The following PCDHGA3 variants were observed in gnomAD, a reference collection of about 807,000 sequenced individuals.
PCDHGA3 encodes protocadherin gamma-A3.
Under a neutral mutation model 58.5 loss-of-function variants are expected in PCDHGA3, and 40 were observed. The ratio of observed to expected loss-of-function variants is 0.68; its 90% CI spans 0.53 to 0.89. The LOEUF (loss-of-function observed/expected upper bound fraction) is 0.89. Among genes scored for constraint, PCDHGA3 ranks in the 40% least tolerant of loss-of-function variants. The probability of loss-of-function intolerance (pLI) is 0.00; values close to 1 mark genes in which losing one functional copy is unlikely to be tolerated. For synonymous variants in PCDHGA3, 530 were observed against 525.7 expected (o/e 1.01, Z -0.11); for missense variants, 1,223 against 1,195.9 (o/e 1.02, Z -0.33).
chr5:141,410,201 A>G, intron 1 of PCDHGA3: 3 of 1,613,988 alleles, frequency 1.9e-6, no homozygotes, highest in Non-Finnish European at 2.5e-6. Context: ...CTTCGCAGAC[A>G]ACTTGCAAGA....
rs1410729947 is a variant in PCDHGA3 at position 141,493,256 on chromosome 5, T to TA, written c.2425-1550dup. 3.3e-5 allele frequency among the ~76,000 whole-genome samples: 5 copies of TA among 152,306 alleles called. No homozygotes were observed. The highest frequency in any genetic ancestry group is 1.2e-4 in the African/African-American group (5 of 41,570). ...TGGCTAGGTACTAACATGCCTCTCT[T>TA]ATAACAGCTTCACAGAGGTCAAGTG... On this transcript the variant is annotated intron_variant, in intron 1 of 3. Transcript: ENST00000253812. This position sits in a 1 kb window ranked among gnomAD's most constrained non-coding sequence, Gnocchi z 4.3.
At chr5:141,378,101 A>C (rs1018772587) in intron 1 of PCDHGA3, 21 of 152,208 alleles carry the variant, frequency 1.4e-4, no homozygotes, top group Admixed American at 1.0e-3. Flanking sequence ...TCAAACTCTA[A>C]AGCAGCATAG....
At chr5:141,449,537 C>A (rs1377909573) in intron 1 of PCDHGA3, among the ~76,000 whole-genome samples, 1 of 146,334 alleles carries the variant, frequency 6.8e-6, no homozygotes, top group Non-Finnish European at 1.5e-5. Flanking sequence ...TGCAGTGAGC[C>A]GAGATCGCAC....
chr5:141,372,797 CA>C (rs1769078994), intron 1 of PCDHGA3: 2 of 1,597,434 alleles, frequency 1.3e-6, no homozygotes, highest in Admixed American at 3.5e-5. Flanking sequence ...CTAATTCAGG[CA>C]ATTTGCAAAA....
chr5:141,351,477 T>G, intron 1 of PCDHGA3: 1 of 1,613,832 alleles, frequency 6.2e-7, no homozygotes. Flanking sequence ...GCTGGAGCCC[T>G]AAACCGGGAG....
chr5:141,365,014 C>T (rs1763677567), intron 1 of PCDHGA3: 1 of 1,613,924 alleles, frequency 6.2e-7, no homozygotes, highest in African/African-American at 1.3e-5. Flanking sequence ...CCACGCACAT[C>T]CGTGTTACGG....
chr5:141,361,816 C>G, intron 1 of PCDHGA3: 2 of 1,613,084 alleles, frequency 1.2e-6, no homozygotes, highest in Non-Finnish European at 1.7e-6. Context: ...CAATGCGCCA[C>G]GGGTGCTGTA....
intron 1 of PCDHGA3, chr5:141,367,582 A>G (rs1339166243): frequency 6.6e-6 from 1 of 150,954 alleles, no homozygotes; most frequent in Admixed American, 6.6e-5. Flanking sequence ...ATATCAGAAA[A>G]GTAGATAAAA....
chr5:141,465,520 G>C (rs2099104807), intron 1 of PCDHGA3, among the ~76,000 whole-genome samples: 1 of 152,144 alleles, frequency 6.6e-6, no homozygotes, highest in Non-Finnish European at 1.5e-5. Flanking sequence ...GAAGGATTCT[G>C]GGGAAGTTTT....
intron 1 of PCDHGA3, chr5:141,361,614 G>A (rs919763957): frequency 2.4e-5 from 39 of 1,613,828 alleles, no homozygotes; most frequent in Non-Finnish European, 3.0e-5. Flanking sequence ...CCATCGTAGC[G>A]AGCGACCTGA....
At chr5:141,370,847 A>G (rs372882282) in intron 1 of PCDHGA3, 2 of 1,614,046 alleles carry the variant, frequency 1.2e-6, no homozygotes, top group Non-Finnish European at 1.7e-6. Flanking sequence ...CTGGAGCCAC[A>G]TTTGCCCTGG....
At chr5:141,423,761 TG>T in intron 1 of PCDHGA3, 1 of 156,420 alleles carries the variant, frequency 6.4e-6, no homozygotes, top group Non-Finnish European at 9.2e-6. Context: ...GGGGGGGGGG[TG>T]GGGCGGCATA....
chr5:141,502,864 G>GGCTTTTTT (rs2099816401), intron 2 of PCDHGA3, among the ~76,000 whole-genome samples: 1 of 61,572 alleles, frequency 1.6e-5, no homozygotes, highest in Non-Finnish European at 3.0e-5. Flanking sequence ...CTGACTCTCT[G>GGCTTTTTT]TCTTTTTTTT....
intron 2 of PCDHGA3, among the ~76,000 whole-genome samples, chr5:141,504,788 TC>T (rs1235410120): frequency 6.6e-6 from 1 of 152,070 alleles, no homozygotes; most frequent in Non-Finnish European, 1.5e-5. Context: ...TCTTGGGGCC[TC>T]CTACATCTCC....
At chr5:141,362,475 C>T (rs377414044) in intron 1 of PCDHGA3, 12 of 1,613,908 alleles carry the variant, frequency 7.4e-6, no homozygotes, top group African/African-American at 1.3e-5. Flanking sequence ...CGCAAGATCT[C>T]GTCTGTGACA....
Position 141,345,473 on chromosome 5 carries a change from T to C in PCDHGA3, c.1440T>C (p.Asp480=). Residue 480 remains aspartate (D), a synonymous_variant, in exon 1 of 4, where the codon GAT becomes GAC. Coordinates refer to ENST00000253812, the MANE Select transcript of PCDHGA3 (RefSeq NM_018916.4). ...SIFSVTAQDP[D]SNNNARITYA... ...TCTCAGTGACAGCCCAGGACCCAGA[T>C]AGCAACAACAACGCCCGCATCACTT... is the stretch of plus-strand genomic sequence containing the variant. 3.1e-6 allele frequency: 5 copies of C among 1,614,028 alleles called. No homozygotes were observed. The highest frequency in any genetic ancestry group is 2.2e-5 in the East Asian group (1 of 44,872).
rs1015821056 is a variant in PCDHGA3 at position 141,397,642 on chromosome 5, T to C, written c.2424+51185T>C. On this transcript the variant is annotated intron_variant, in intron 1 of 3. Coordinates refer to ENST00000253812, the MANE Select transcript of PCDHGA3 (RefSeq NM_018916.4). Reference sequence around the variant, plus strand: ...TAGTTCTAGCTAAGAGTTCAAGGTATGTTTGCAGAATGGTGAAAGAATGGA... The same window carrying C: ...TAGTTCTAGCTAAGAGTTCAAGGTACGTTTGCAGAATGGTGAAAGAATGGA... Among the ~76,000 whole-genome samples, 3 of 152,236 alleles carry C rather than the reference T, an allele frequency of 2.0e-5. No individual in the cohort carries two copies. The East Asian group carries it at 5.8e-4, about 29-fold the overall frequency.
chr5:141,492,026 G>A, intron 1 of PCDHGA3: 1 of 567,198 alleles, frequency 1.8e-6, no homozygotes, highest in South Asian at 2.9e-5. Flanking sequence ...GGGGTCCCGG[G>A]AGGAGGCAGT....
chr5:141,404,021 A>G, intron 1 of PCDHGA3: 1 of 1,613,894 alleles, frequency 6.2e-7, no homozygotes, highest in Non-Finnish European at 8.5e-7. Flanking sequence ...TAGCCCAGTG[A>G]GAGAAGACGC....
Sources: gnomAD v4.1 joint callset for allele counts (sites outside exome capture counted in the v4.1 genomes callset) on GRCh38, gnomAD v4.1.1 for gene constraint, Gnocchi (gnomAD v3.1) non-coding constraint, MANE v1.5 for transcripts, NCBI Gene and HGNC (gene_info 2026-07-23, HGNC 2026-07-21) for gene names.